Variants in ARID5B observed in about 807,000 individuals in gnomAD.
ARID5B encodes AT-rich interaction domain 5B, also known as AT-rich interactive domain-containing protein 5B.
Under a neutral mutation model 97.2 loss-of-function variants are expected in ARID5B, and 13 were observed. The observed-to-expected ratio is 0.13, with a 90% CI of 0.09 to 0.21. The LOEUF is 0.21. Among genes scored for constraint, ARID5B ranks in the 10% least tolerant of loss-of-function variants. The probability of loss-of-function intolerance (pLI) is 1.00; values close to 1 mark genes in which losing one functional copy is unlikely to be tolerated. For synonymous variants in ARID5B, 556 were observed against 570.3 expected, an observed-to-expected ratio of 0.97 and a Z score of 0.36; for missense variants, 1,210 against 1,465.3, an observed-to-expected ratio of 0.83 and a Z score of 2.84.
chr10:61,909,318 GTTTTTTTTTTTT>G (rs777612375), intron 2 of ARID5B, among the ~76,000 whole-genome samples: 1 of 77,260 alleles, frequency 1.3e-5, no homozygotes, highest in Non-Finnish European at 2.3e-5. Context: ...TATTCAGTGA[GTTTTTTTTTTTT>G]TTTTTTTTTT....
At chr10:61,902,697 GTGTGTA>G (rs1336615658) in intron 2 of ARID5B, among the ~76,000 whole-genome samples, 4 of 149,674 alleles carry the variant, frequency 2.7e-5, no homozygotes, top group South Asian at 2.1e-4. Flanking sequence ...GTGTGTGTGT[GTGTGTA>G]TGTGTGTGTG....
chr10:61,960,570 G>A (rs1262612249), intron 3 of ARID5B, among the ~76,000 whole-genome samples: 1 of 151,972 alleles, frequency 6.6e-6, no homozygotes, highest in Non-Finnish European at 1.5e-5. Flanking sequence ...TGTCTTTTAA[G>A]TAGGGAGTTC....
chr10:62,003,653 A>T (rs1839110857), intron 4 of ARID5B, among the ~76,000 whole-genome samples: 1 of 152,108 alleles, frequency 6.6e-6, no homozygotes, highest in Admixed American at 6.6e-5. Context: ...TGACTCAGTG[A>T]CCAAGCCTGG....
In ARID5B at chr10:61,926,604, T is replaced by TTTTA. The variant is rs1388793608; in HGVS notation, c.277-13563_277-13560dup. On this transcript the variant is annotated intron_variant, in intron 2 of 9. Transcript: ENST00000279873. Reference sequence around the variant, plus strand: ...TAATTTTATTATTATTATTGTTATATTTTATTTATTTATTTATTTTTTTGA... The same window carrying TTTTA: ...TAATTTTATTATTATTATTGTTATATTTTATTTATTTATTTATTTATTTTTTTGA... Among the ~76,000 whole-genome samples the TTTTA allele has an allele frequency of 2.8e-4, 42 of 152,036 alleles. No homozygotes were observed. In the Middle Eastern group the frequency reaches 0.02, roughly 74 times the overall value.
chr10:61,919,794 C>A (rs1432407348), intron 2 of ARID5B, among the ~76,000 whole-genome samples: 4 of 152,100 alleles, frequency 2.6e-5, no homozygotes, highest in Admixed American at 2.6e-4. Flanking sequence ...GTAAAATATG[C>A]ATCCCTAACT....
At position 62,071,102 on chromosome 10, in the gene ARID5B, C is replaced by T. The variant is rs374952048; in HGVS notation, c.1199+1305C>T. Among the ~76,000 whole-genome samples, 89 of 137,518 alleles carry T rather than the reference C, an allele frequency of 6.5e-4. 1 individual carries two copies. In the South Asian group the frequency reaches 0.019, roughly 30 times the overall value. 90.2% of individuals were successfully genotyped at this position (137,518 alleles called of 152,430 possible). On this transcript the variant is annotated intron_variant, in intron 8 of 9. Transcript: ENST00000279873. ...CCAGGCTACAGTGCAGTGGCATGAT[C>T]TCGGCCCACTGCAACCTCTGCCTCC... is the stretch of plus-strand genomic sequence containing the variant.
At chr10:62,027,379 G>C (rs1020235110) in intron 4 of ARID5B, among the ~76,000 whole-genome samples, 17 of 126,692 alleles carry the variant, frequency 1.3e-4, no homozygotes, top group African/African-American at 4.7e-4. Flanking sequence ...CACAATCTCG[G>C]CTCACTGCAA....
intron 3 of ARID5B, among the ~76,000 whole-genome samples, chr10:61,958,475 C>T (rs1186454255): frequency 6.6e-6 from 1 of 152,088 alleles, no homozygotes; most frequent in Non-Finnish European, 1.5e-5. Flanking sequence ...ATCCACCTGC[C>T]TCAGCCTTCC....
chr10:62,069,802 G>A lies in ARID5B; in HGVS notation c.1199+5G>A. 1 of 1,613,122 alleles carries A rather than the reference G, an allele frequency of 6.2e-7. No individual in the cohort carries two copies. The highest frequency in any genetic ancestry group is 8.5e-7 in the Non-Finnish European group (1 of 1,179,128). Reference sequence around the variant, plus strand: ...TACCCGCAGACATTATGAAAGGTAAGAAACCATTTCATGGAATTGCTTAGT... The same window carrying A: ...TACCCGCAGACATTATGAAAGGTAAAAAACCATTTCATGGAATTGCTTAGT... On this transcript the variant is annotated splice_donor_5th_base_variant and intron_variant, in intron 8 of 9. Coordinates refer to ENST00000279873, the MANE Select transcript of ARID5B (RefSeq NM_032199.3).
intron 4 of ARID5B, among the ~76,000 whole-genome samples, chr10:62,039,072 C>A (rs374060256): frequency 6.6e-6 from 1 of 152,102 alleles, no homozygotes; most frequent in Non-Finnish European, 1.5e-5. Context: ...TTGTGCAGAC[C>A]CCATGTGTTA....
intron 8 of ARID5B, among the ~76,000 whole-genome samples, chr10:62,082,043 C>G (rs1230827505): frequency 6.6e-6 from 1 of 151,562 alleles, no homozygotes; most frequent in Non-Finnish European, 1.5e-5. Flanking sequence ...AAAAATCTTG[C>G]TTTTCACAGT....
rs976140591 is a variant in ARID5B, at chr10:62,036,305, C to A, written c.734-14583C>A. Reference sequence around the variant, plus strand: ...AGGACGATGCTCCCTAGCACAGTGGCCTGTGGTCCATTTCTTCTTGATCCC... The same window carrying A: ...AGGACGATGCTCCCTAGCACAGTGGACTGTGGTCCATTTCTTCTTGATCCC... On this transcript the variant is annotated intron_variant, in intron 4 of 9. Transcript: ENST00000279873. Among the ~76,000 whole-genome samples, 13 of 152,162 alleles carry A rather than the reference C, an allele frequency of 8.5e-5. No individual in the cohort carries two copies. In the East Asian group the frequency reaches 2.5e-3, roughly 29 times the overall value.
Position 61,915,739 on chromosome 10 carries a change from CTTTG to C in ARID5B, c.276+13338_276+13341del, listed in dbSNP as rs953150697. 4.6e-5 allele frequency among the ~76,000 whole-genome samples: 7 copies of C among 152,192 alleles called. No homozygotes were observed. In the South Asian group the frequency reaches 1.2e-3, roughly 27 times the overall value. On this transcript the variant is annotated intron_variant, in intron 2 of 9. Coordinates refer to ENST00000279873, the MANE Select transcript of ARID5B (RefSeq NM_032199.3). ...AGGCCAACTCTGGTCTACTATCTGT[CTTTG>C]TTTGTTTGTTTTTTGTTTGTTTGTT...
chr10:62,046,231 A>G (rs972849114), intron 4 of ARID5B, among the ~76,000 whole-genome samples: 2 of 152,230 alleles, frequency 1.3e-5, no homozygotes, highest in Admixed American at 1.3e-4. Flanking sequence ...CAGGAAGAAC[A>G]CAGTAGAAAA....
intron 4 of ARID5B, among the ~76,000 whole-genome samples, chr10:62,015,716 C>T (rs1839275657): frequency 3.3e-5 from 5 of 152,096 alleles, no homozygotes; most frequent in South Asian, 4.1e-4. Flanking sequence ...CTCCGCCTCC[C>T]GGGTTCAAGA....
chr10:62,087,039 G>A (rs980774959), intron 9 of ARID5B, among the ~76,000 whole-genome samples: 10 of 151,926 alleles, frequency 6.6e-5, no homozygotes. Context: ...GGTGGCTCAC[G>A]CCTGTAATCC....
rs778543737 is a variant in ARID5B at position 62,092,656 on chromosome 10, G to A, written c.3193G>A (p.Gly1065Arg). Residue 1065 changes from glycine to arginine, a missense_variant, in exon 10 of 10, where the codon GGA becomes AGA. Gly to Arg is a moderately radical substitution (Grantham distance 125). Coordinates refer to ENST00000279873, the MANE Select transcript of ARID5B (RefSeq NM_032199.3). The stretch of plus-strand genomic sequence containing the variant: ...AGCGCACGGTGGGCATTCCGGGGGC[G>A]GATCAGAAGGCCACAAGCTTCCCCT... ...KAAHGGHSGG[G>R]SEGHKLPLSS... The A allele has an allele frequency of 8.9e-5, 143 of 1,613,878 alleles. No individual in the cohort carries two copies. The highest frequency in any genetic ancestry group is 8.2e-4 in the Middle Eastern group (5 of 6,082).
Position 62,091,596 on chromosome 10 carries a change from C to G in ARID5B, c.2133C>G (p.Gly711=). 1 of 1,612,842 alleles carries G rather than the reference C, an allele frequency of 6.2e-7. No individual in the cohort carries two copies. The highest frequency in any genetic ancestry group is 8.5e-7 in the Non-Finnish European group (1 of 1,179,492). Reference sequence around the variant, plus strand: ...GCCTCTCCAGCAGCTACCCTTATGGCTCCCCACCCCCTTTGATCAGCAAAA... The same window carrying G: ...GCCTCTCCAGCAGCTACCCTTATGGGTCCCCACCCCCTTTGATCAGCAAAA... The part of the protein sequence containing the change: ...GASLSSSYPY[G]SPPPLISKKK... Residue 711 remains glycine (G), a synonymous_variant, in exon 10 of 10, where the codon GGC becomes GGG. Coordinates refer to ENST00000279873, the MANE Select transcript of ARID5B (RefSeq NM_032199.3).
intron 3 of ARID5B, among the ~76,000 whole-genome samples, chr10:61,976,663 G>A (rs902742353): frequency 4.6e-5 from 7 of 152,108 alleles, no homozygotes; most frequent in Non-Finnish European, 7.4e-5. Flanking sequence ...CTCTGCCAGC[G>A]GGAGAATGTT....
Sources: allele counts gnomAD v4.1 joint callset (sites outside exome capture counted in the v4.1 genomes callset), GRCh38; gene constraint gnomAD v4.1.1; transcripts MANE v1.5; gene names NCBI Gene and HGNC (gene_info 2026-07-23, HGNC 2026-07-21).